Variants in CTNNA3 observed in about 807,000 individuals in gnomAD.
CTNNA3 encodes catenin alpha-3.
Under a neutral mutation model 95.7 loss-of-function variants are expected in CTNNA3, and 76 were observed. That is an observed-to-expected ratio of 0.79 (90% CI 0.66 to 0.96). The LOEUF is 0.96. Among genes scored for constraint, CTNNA3 ranks in the 40% least tolerant of loss-of-function variants. CTNNA3 has a pLI of 0.00. For synonymous variants in CTNNA3, 431 were observed against 374.4 expected (o/e 1.15, Z -1.74); for missense variants, 1,191 against 1,089.8 (o/e 1.09, Z -1.31).
intron 7 of CTNNA3, among the ~76,000 whole-genome samples, chr10:67,026,722 G>A (rs1351822035): frequency 1.3e-5 from 2 of 152,202 alleles, no homozygotes; most frequent in South Asian, 2.1e-4. Flanking sequence ...GTATATTAAC[G>A]TTCATTTAAA....
Position 66,669,231 on chromosome 10 carries a change from T to C in CTNNA3, c.1282-47447A>G, listed in dbSNP as rs773630094. On this transcript the variant is annotated intron_variant, in intron 9 of 17. Coordinates refer to ENST00000433211, the MANE Select transcript of CTNNA3 (RefSeq NM_013266.4). ...TCATATTATAATAAGTTGTGTGTCA[T>C]AGCAGATCATGTTAAAAGAAATCTA... Among the ~76,000 whole-genome samples the C allele has an allele frequency of 2.6e-5, 4 of 152,186 alleles. No individual in the cohort carries two copies. The South Asian group carries it at 6.2e-4, about 24-fold the overall frequency.
At chr10:66,111,498 AC>A (rs755845216) in intron 13 of CTNNA3, among the ~76,000 whole-genome samples, 14 of 152,234 alleles carry the variant, frequency 9.2e-5, no homozygotes, top group Admixed American at 3.3e-4. Context: ...GCAGTCCATC[AC>A]TGAATGAAAC....
chr10:66,138,766 GA>G (rs1186972824), intron 13 of CTNNA3, among the ~76,000 whole-genome samples: 3 of 152,306 alleles, frequency 2.0e-5, no homozygotes, highest in African/African-American at 7.2e-5. Flanking sequence ...GGCTGAAGCA[GA>G]AGAATCGCTT....
intron 15 of CTNNA3, among the ~76,000 whole-genome samples, chr10:66,044,766 T>A (rs2079791813): frequency 1.3e-5 from 2 of 152,228 alleles, no homozygotes; most frequent in African/African-American, 4.8e-5. Context: ...CTGTTTACAT[T>A]CTGTTTTAGA....
At chr10:66,931,147 C>T (rs912579477) in intron 7 of CTNNA3, among the ~76,000 whole-genome samples, 5 of 135,038 alleles carry the variant, frequency 3.7e-5, no homozygotes, top group East Asian at 2.2e-4. Flanking sequence ...TTTTCTAGTA[C>T]GTATTTACAT....
intron 9 of CTNNA3, among the ~76,000 whole-genome samples, chr10:66,744,924 T>C (rs1849451889): frequency 6.6e-6 from 1 of 152,228 alleles, no homozygotes; most frequent in Admixed American, 6.5e-5. Flanking sequence ...AATGATTGTT[T>C]AATGACCTTT....
At chr10:66,351,275 A>G (rs1340451057) in intron 12 of CTNNA3, among the ~76,000 whole-genome samples, 3 of 152,012 alleles carry the variant, frequency 2.0e-5, no homozygotes, top group Non-Finnish European at 4.4e-5. Flanking sequence ...TATTTCATTC[A>G]ATATGTAGAA....
At chr10:66,799,629 C>T (rs938138074) in intron 7 of CTNNA3, among the ~76,000 whole-genome samples, 9 of 151,340 alleles carry the variant, frequency 5.9e-5, no homozygotes, top group African/African-American at 1.9e-4. Context: ...ACGGTCAAAA[C>T]ATTTAACACA....
At chr10:67,198,238 T>C (rs556737025) in intron 6 of CTNNA3, among the ~76,000 whole-genome samples, 1 of 152,282 alleles carries the variant, frequency 6.6e-6, no homozygotes, top group South Asian at 2.1e-4. Flanking sequence ...CCTTTAGGTA[T>C]CTAGGTGGTT....
intron 1 of CTNNA3, among the ~76,000 whole-genome samples, chr10:67,684,280 T>C (rs1840686268): frequency 6.6e-6 from 1 of 152,180 alleles, no homozygotes; most frequent in South Asian, 2.1e-4. Flanking sequence ...TACAAACCTT[T>C]AGCTAGACAC....
At chr10:67,024,052 C>A (rs1853195666) in intron 7 of CTNNA3, among the ~76,000 whole-genome samples, 1 of 152,220 alleles carries the variant, frequency 6.6e-6, no homozygotes, top group South Asian at 2.1e-4. Context: ...AGTTTATTAT[C>A]TTCCGGAGGA....
intron 12 of CTNNA3, among the ~76,000 whole-genome samples, chr10:66,300,108 G>A (rs2091839954): frequency 6.6e-6 from 1 of 151,800 alleles, no homozygotes; most frequent in African/African-American, 2.4e-5. Flanking sequence ...TGGCCAGGCT[G>A]GTCTTGAACT....
At chr10:66,065,298 C>A (rs546730380) in intron 15 of CTNNA3, among the ~76,000 whole-genome samples, 1 of 151,022 alleles carries the variant, frequency 6.6e-6, no homozygotes, top group African/African-American at 2.4e-5. Context: ...TTGGCTATAG[C>A]TTTTTATTCC....
chr10:66,558,580 C>T (rs1842460003), intron 10 of CTNNA3, among the ~76,000 whole-genome samples: 1 of 152,060 alleles, frequency 6.6e-6, no homozygotes, highest in African/African-American at 2.4e-5. Flanking sequence ...CCAAAATGCC[C>T]TGATATTGAT....
intron 7 of CTNNA3, among the ~76,000 whole-genome samples, chr10:66,968,661 GA>G (rs1330202553): frequency 6.6e-6 from 1 of 152,094 alleles, no homozygotes; most frequent in Non-Finnish European, 1.5e-5. Context: ...AAGTGGCTAT[GA>G]AACTGGGTAT....
At chr10:66,266,159 AGAAGGAAG>A (rs1194752781) in intron 13 of CTNNA3, among the ~76,000 whole-genome samples, 1 of 131,398 alleles carries the variant, frequency 7.6e-6, no homozygotes, top group African/African-American at 2.9e-5. Context: ...AAGGAAGGAA[AGAAGGAAG>A]GAAGGAAGGG....
At chr10:66,087,177 G>C (rs2081015604) in intron 14 of CTNNA3, among the ~76,000 whole-genome samples, 1 of 151,752 alleles carries the variant, frequency 6.6e-6, no homozygotes, top group Admixed American at 6.6e-5. Context: ...CAATCCCCTG[G>C]GCCCAATTTA....
chr10:67,221,742 T>C (rs1033083157), intron 5 of CTNNA3, among the ~76,000 whole-genome samples: 3 of 151,824 alleles, frequency 2.0e-5, no homozygotes, highest in African/African-American at 7.3e-5. Context: ...ACCCAGCTAA[T>C]TTTTTGTATT....
In CTNNA3 at chr10:66,792,801, A is replaced by G. The variant is rs75132030; in HGVS notation, c.1048-17277T>C. Among the ~76,000 whole-genome samples, 400 of 152,310 alleles carry G rather than the reference A, an allele frequency of 2.6e-3. 11 individuals are homozygous for G. In the East Asian group the frequency reaches 0.058, roughly 22 times the overall value. On this transcript the variant is annotated intron_variant, in intron 7 of 17. Transcript: ENST00000433211. The stretch of plus-strand genomic sequence containing the variant: ...GGAGTAATTATAGTATTCTAAAACA[A>G]ACTTCTAAAGATTGCCTCATCACCT...
Sources: gnomAD v4.1 joint callset for allele counts (sites outside exome capture counted in the v4.1 genomes callset) on GRCh38, gnomAD v4.1.1 for gene constraint, MANE v1.5 for transcripts, NCBI Gene and HGNC (gene_info 2026-07-23, HGNC 2026-07-21) for gene names.